The following EYS variants were observed in gnomAD, a reference collection of about 807,000 sequenced individuals.
The protein encoded by EYS is EGF-like photoreceptor maintenance factor, also known as protein eyes shut homolog.
In EYS, 250 loss-of-function variants were observed where a neutral mutation model predicts 282.1. The ratio of observed to expected loss-of-function variants is 0.89; its 90% CI spans 0.80 to 0.98. EYS has a LOEUF of 0.98. Among genes scored for constraint, EYS ranks in the 50% least tolerant of loss-of-function variants. EYS has a pLI of 0.00. For synonymous variants in EYS, 1,355 were observed against 1,282.9 expected, an observed-to-expected ratio of 1.06 and a Z score of -1.20; for missense variants, 4,016 against 3,709.0, an observed-to-expected ratio of 1.08 and a Z score of -2.15.
rs183549036 is a variant in EYS, at chr6:65,248,637, A to G, written c.2023+47226T>C. 1.9e-3 allele frequency among the ~76,000 whole-genome samples: 292 copies of G among 152,236 alleles called. 2 individuals carry two copies. The highest frequency in any genetic ancestry group is 6.6e-3 in the African/African-American group (276 of 41,574). On this transcript the variant is annotated intron_variant, in intron 12 of 42. Transcript: ENST00000503581. ...GGAAATAAATCATCTAGAATAAAAGAAAAAATGAAAAAATTAGAAATCACA... is the reference window on the plus strand; with the variant it reads ...GGAAATAAATCATCTAGAATAAAAGGAAAAATGAAAAAATTAGAAATCACA...
At chr6:64,347,396 T>C (rs972460618) in intron 29 of EYS, among the ~76,000 whole-genome samples, 1 of 151,418 alleles carries the variant, frequency 6.6e-6, no homozygotes, top group African/African-American at 2.4e-5. Context: ...GAAATGTGTA[T>C]AGAATATTTA....
At chr6:65,471,549 C>A (rs962493064) in intron 5 of EYS, among the ~76,000 whole-genome samples, 1 of 152,162 alleles carries the variant, frequency 6.6e-6, no homozygotes, top group Non-Finnish European at 1.5e-5. Context: ...TCACAACCAG[C>A]TTTTCACTAA....
intron 12 of EYS, among the ~76,000 whole-genome samples, chr6:65,180,206 G>A (rs903450111): frequency 6.6e-6 from 1 of 151,874 alleles, no homozygotes; most frequent in African/African-American, 2.4e-5. Flanking sequence ...TTCTGGCCAG[G>A]GAAGTCAGGC....
At chr6:65,320,740 G>A (rs917646803) in intron 11 of EYS, among the ~76,000 whole-genome samples, 18 of 152,204 alleles carry the variant, frequency 1.2e-4, no homozygotes, top group African/African-American at 2.7e-4. Context: ...AGCTGCAGAG[G>A]TGCAGGTTAA....
chr6:64,533,389 A>C (rs1053650769), intron 26 of EYS, among the ~76,000 whole-genome samples: 2 of 152,152 alleles, frequency 1.3e-5, no homozygotes, highest in African/African-American at 4.8e-5. Flanking sequence ...AAGTCAAAGA[A>C]TCAATTATCT....
chr6:65,511,226 A>G (rs546706264), intron 2 of EYS, among the ~76,000 whole-genome samples: 1 of 152,322 alleles, frequency 6.6e-6, no homozygotes, highest in East Asian at 1.9e-4. Context: ...CACTAATGGT[A>G]TATGCTTTTC....
In EYS at chr6:63,889,735, A is replaced by T. The variant is rs999317041; in HGVS notation, c.7056-25377T>A. On this transcript the variant is annotated intron_variant, in intron 35 of 42. Transcript: ENST00000503581. ...CAACTAATGGGCAAAATAACTAGCT[A>T]GCATCATAGTGACAGGATCAAATTA... Among the ~76,000 whole-genome samples the T allele has an allele frequency of 5.3e-5, 8 of 152,342 alleles. No individual in the cohort carries two copies. In the East Asian group the frequency reaches 1.4e-3, roughly 26 times the overall value.
chr6:64,814,709 A>G (rs1193037216), intron 21 of EYS, among the ~76,000 whole-genome samples: 2 of 152,054 alleles, frequency 1.3e-5, no homozygotes, highest in African/African-American at 4.8e-5. Flanking sequence ...ATGGAAAGTT[A>G]TGACATCATT....
intron 7 of EYS, among the ~76,000 whole-genome samples, chr6:65,390,390 G>C (rs1765975886): frequency 6.6e-6 from 1 of 151,560 alleles, no homozygotes; most frequent in Admixed American, 6.6e-5. Flanking sequence ...GTCAGAGAGA[G>C]AGAGAGGATA....
At chr6:64,025,527 C>A (rs568691180) in intron 33 of EYS, among the ~76,000 whole-genome samples, 1 of 152,180 alleles carries the variant, frequency 6.6e-6, no homozygotes, top group Non-Finnish European at 1.5e-5. Context: ...GTCTCTGGTG[C>A]TTTTCTAGTT....
chr6:63,989,647 C>CT (rs11295854), intron 34 of EYS, among the ~76,000 whole-genome samples: 4 of 150,938 alleles, frequency 2.7e-5, no homozygotes, highest in Non-Finnish European at 3.0e-5. Context: ...GTTTTATACA[C>CT]TTTTTTTTAC....
intron 12 of EYS, among the ~76,000 whole-genome samples, chr6:65,204,659 C>G (rs1765983540): frequency 6.6e-6 from 1 of 151,658 alleles, no homozygotes; most frequent in African/African-American, 2.4e-5. Flanking sequence ...GCTAACAAAA[C>G]TATAACAGGA....
intron 13 of EYS, among the ~76,000 whole-genome samples, chr6:65,051,553 G>A (rs189448307): frequency 9.2e-5 from 14 of 151,712 alleles, no homozygotes; most frequent in Admixed American, 8.6e-4. Context: ...TTGAGGTGGT[G>A]AGAACACAAA....
At chr6:64,426,938 A>C (rs953586731) in intron 28 of EYS, among the ~76,000 whole-genome samples, 1 of 152,166 alleles carries the variant, frequency 6.6e-6, no homozygotes, top group African/African-American at 2.4e-5. Context: ...ACCATTTTGC[A>C]TAATATTATT....
At chr6:64,731,210 T>C (rs1771952063) in intron 22 of EYS, among the ~76,000 whole-genome samples, 1 of 152,052 alleles carries the variant, frequency 6.6e-6, no homozygotes. Flanking sequence ...ATCCAGGACA[T>C]AGGCATGGGC....
At chr6:64,558,209 A>G (rs1452555477) in intron 26 of EYS, among the ~76,000 whole-genome samples, 1 of 152,060 alleles carries the variant, frequency 6.6e-6, no homozygotes, top group African/African-American at 2.4e-5. Flanking sequence ...CTCTGACTAA[A>G]TATTTTTATA....
At chr6:64,882,833 G>T (rs1766963864) in intron 19 of EYS, among the ~76,000 whole-genome samples, 2 of 151,652 alleles carry the variant, frequency 1.3e-5, no homozygotes, top group South Asian at 4.1e-4. Flanking sequence ...GGAGAGAAGA[G>T]ATAAAATGGT....
intron 22 of EYS, among the ~76,000 whole-genome samples, chr6:64,795,951 AAG>A (rs1372686640): frequency 6.6e-6 from 1 of 152,206 alleles, no homozygotes; most frequent in African/African-American, 2.4e-5. Flanking sequence ...CTTTTGAGAC[AAG>A]AGTGTTGACC....
At chr6:64,622,712 A>G (rs557896480) in intron 23 of EYS, among the ~76,000 whole-genome samples, 221 of 152,310 alleles carry the variant, frequency 1.5e-3, no homozygotes, top group Non-Finnish European at 2.4e-3. Context: ...ACAACTGAAG[A>G]AAATGGCAAT....
Sources: allele counts gnomAD v4.1 joint callset (sites outside exome capture counted in the v4.1 genomes callset), GRCh38; gene constraint gnomAD v4.1.1; transcripts MANE v1.5; gene names NCBI Gene and HGNC (gene_info 2026-07-23, HGNC 2026-07-21).